The following EHD3 variants were observed in gnomAD, a reference collection of about 807,000 sequenced individuals.
EHD3 encodes the protein EH domain containing 3.
In EHD3, 17 loss-of-function variants were observed where a neutral mutation model predicts 43.0. That is an observed-to-expected ratio of 0.40 (90% confidence interval 0.27 to 0.59). EHD3 has a LOEUF of 0.59. Among genes scored for constraint, EHD3 ranks in the 20% least tolerant of loss-of-function variants. The pLI is 0.49. For synonymous variants in EHD3, 313 were observed against 289.5 expected (o/e 1.08, Z -0.82); for missense variants, 594 against 705.6 (o/e 0.84, Z 1.79).
At chr2:31,236,655 A>G (rs1440565253) in intron 1 of EHD3, among the ~76,000 whole-genome samples, 2 of 152,156 alleles carry the variant, frequency 1.3e-5, no homozygotes, top group Non-Finnish European at 2.9e-5. Flanking sequence ...CTCTACACAT[A>G]TGGTATTTAT....
rs1336773048 is a variant in EHD3 at position 31,266,272 on chromosome 2, G to A, written c.1176G>A (p.Gln392=). 3 of 1,614,216 alleles carry A rather than the reference G, an allele frequency of 1.9e-6. No homozygotes were observed. The highest frequency in any genetic ancestry group is 2.5e-6 in the Non-Finnish European group (3 of 1,180,044). ...ACATGCTGGCCCATGACATTGCCCA[G>A]CTCATGGTGCTAGTGCGCCAGGAGG... ...VDDMLAHDIA[Q]LMVLVRQEES... The change falls in exon 6 of 6, where the codon CAG becomes CAA. Residue 392 remains glutamine, a synonymous_variant. Transcript: ENST00000322054. The surrounding 1 kb of genome is among the most constrained non-coding windows in gnomAD (Gnocchi z 5.1).
rs1683963678 is a variant in EHD3 at position 31,266,838 on chromosome 2, G to T, written c.*134G>T. The T allele has an allele frequency of 2.5e-6, 3 of 1,191,266 alleles. No individual in the cohort carries two copies. Among genetic ancestry groups the T allele is most frequent in the Non-Finnish European group, 2.3e-6 (2 of 877,248 alleles). 73.8% of individuals were successfully genotyped at this position (1,191,266 alleles called of 1,614,324 possible). A position where few individuals can be genotyped will look rare whatever the true frequency, so the allele number is the denominator to read the frequency against. On this transcript the variant is annotated 3_prime_UTR_variant, in exon 6 of 6. Transcript: ENST00000322054. This position sits in a 1 kb window ranked among gnomAD's most constrained non-coding sequence, Gnocchi z 5.1. ...TGCATATCTTGACATTGCTCTGTAG[G>T]TGAGAGAGGACCATGACGCCCATGT...
rs367715358 is a variant in EHD3 at position 31,237,996 on chromosome 2, TTTTG to T, written c.227+3156_227+3159del. ...TTCCTATATTGTGTGTGTGTGTTTTTTTTGTTTGTTTTTGTTTTTGTTTTTTTGA... is the reference window on the plus strand; with the variant it reads ...TTCCTATATTGTGTGTGTGTGTTTTTTTTGTTTTTGTTTTTGTTTTTTTGA... On this transcript the variant is annotated intron_variant, in intron 1 of 5. Coordinates refer to ENST00000322054, the MANE Select transcript of EHD3 (RefSeq NM_014600.3). Among the ~76,000 whole-genome samples the T allele has an allele frequency of 6.1e-3, 923 of 152,298 alleles. 10 individuals are homozygous for T. The highest frequency in any genetic ancestry group is 0.021 in the African/African-American group (868 of 41,558).
rs897579559 is a variant in EHD3, at chr2:31,261,054, G to C, written c.915+132G>C. On this transcript the variant is annotated intron_variant, in intron 4 of 5. Transcript: ENST00000322054. ...GTGACACCAAGGGGCAGGACAGTGC[G>C]GGAGCCATGGTTACAAGCTCTCAGG... 4 of 1,023,022 alleles carry C rather than the reference G, an allele frequency of 3.9e-6. No homozygotes were observed. In the East Asian group the frequency reaches 7.8e-5, roughly 20 times the overall value. The allele number at this position is 1,023,022 out of a possible 1,614,324, so 63.4% of individuals were successfully genotyped here.
In EHD3 at chr2:31,260,684, C is replaced by T. The variant is rs201814896; in HGVS notation, c.677C>T (p.Thr226Met). 105 of 1,614,194 alleles carry T rather than the reference C, an allele frequency of 6.5e-5. 2 individuals carry two copies. The highest frequency in any genetic ancestry group is 6.7e-5 in the Admixed American group (4 of 60,020). Residue 226 changes from threonine (T) to methionine (M), a missense_variant, in exon 4 of 6, where the codon ACG becomes ATG. Coordinates refer to ENST00000322054, the MANE Select transcript of EHD3 (RefSeq NM_014600.3). This position sits in a 1 kb window ranked among gnomAD's most constrained non-coding sequence, Gnocchi z 4.6. ...CTGAACAAAGCTGACCAGATCGAGA[C>T]GCAGCAGCTGATGCGGGTGTACGGG... ...VVLNKADQIETQQLMRVYGAL... is the reference protein window; with the variant it reads ...VVLNKADQIEMQQLMRVYGAL...
In EHD3 at chr2:31,260,587, C is replaced by G. The variant is rs371507212; in HGVS notation, c.580C>G (p.Leu194Val). The change falls in exon 4 of 6, where the codon CTG becomes GTG. Residue 194 changes from leucine (L) to valine (V), a missense_variant. This residue lies in a region of EHD3 where 243 missense variants were observed against 296.7 expected (regional missense o/e 0.82). Coordinates refer to ENST00000322054, the MANE Select transcript of EHD3 (RefSeq NM_014600.3). This position sits in a 1 kb window ranked among gnomAD's most constrained non-coding sequence, Gnocchi z 4.6. The stretch of plus-strand genomic sequence containing the variant: ...CATTCTGCTCTTCGATGCCCACAAA[C>G]TGGACATCTCTGATGAGTTCTCAGA... ...RIILLFDAHK[L>V]DISDEFSEVI... The G allele has an allele frequency of 4.3e-6, 7 of 1,614,078 alleles. No homozygotes were observed. The highest frequency in any genetic ancestry group is 5.1e-6 in the Non-Finnish European group (6 of 1,180,030).
At chr2:31,261,794 C>A in intron 5 of EHD3, 81 bp downstream of exon 5, 2 of 1,530,628 alleles carry the variant, frequency 1.3e-6, no homozygotes, top group South Asian at 1.3e-5. Flanking sequence ...GGAGGCCACT[C>A]TTGGAGCCCC....
At chr2:31,254,650 T>C (rs1683710004) in intron 3 of EHD3, among the ~76,000 whole-genome samples, 1 of 152,190 alleles carries the variant, frequency 6.6e-6, no homozygotes, top group South Asian at 2.1e-4. Context: ...GATGGGGTTT[T>C]GTATGTACCC....
chr2:31,252,617 G>C (rs1683659180), intron 3 of EHD3, among the ~76,000 whole-genome samples: 1 of 152,206 alleles, frequency 6.6e-6, no homozygotes, highest in South Asian at 2.1e-4. Context: ...TGGGACGACA[G>C]GCATGCGCCA....
At chr2:31,242,253 G>C (rs1683437007) in intron 1 of EHD3, among the ~76,000 whole-genome samples, 1 of 152,234 alleles carries the variant, frequency 6.6e-6, no homozygotes, top group Non-Finnish European at 1.5e-5. Context: ...GACCAGGCCT[G>C]CTGCTGCAGT....
intron 1 of EHD3, among the ~76,000 whole-genome samples, chr2:31,236,583 A>G (rs1683328342): frequency 6.6e-6 from 1 of 152,168 alleles, no homozygotes. Context: ...TGGCCCATTC[A>G]TGCCTCAGGG....
intron 1 of EHD3, among the ~76,000 whole-genome samples, chr2:31,243,486 C>G (rs1215539156): frequency 1.2e-5 from 1 of 82,022 alleles, no homozygotes; most frequent in African/African-American, 5.3e-5. Context: ...GACAGAGTTT[C>G]GTTCTTGTTG....
Position 31,244,339 on chromosome 2 carries a change from T to C in EHD3, c.293T>C (p.Ile98Thr), listed in dbSNP as rs200163437. Residue 98 changes from isoleucine to threonine, a missense_variant, in exon 2 of 6, where the codon ATT becomes ACT. This residue lies in a region of EHD3 where 243 missense variants were observed against 296.7 expected (regional missense o/e 0.82). Transcript: ENST00000322054. ...CCTGAGCCCACCACAGACTCCTTCA[T>C]TGCGGTGATGCAGGGAGACATGGAG... ...IGPEPTTDSF[I>T]AVMQGDMEGI... 1.4e-5 allele frequency: 22 copies of C among 1,614,078 alleles called. No individual in the cohort carries two copies. The highest frequency in any genetic ancestry group is 4.5e-5 in the East Asian group (2 of 44,882).
intron 2 of EHD3, among the ~76,000 whole-genome samples, chr2:31,247,810 TG>T (rs2148718476): frequency 6.6e-6 from 1 of 152,180 alleles, no homozygotes; most frequent in South Asian, 2.1e-4. Context: ...CATTAAATGA[TG>T]AGTGAAGTGG....
At chr2:31,263,346 C>A (rs1410547278) in intron 5 of EHD3, among the ~76,000 whole-genome samples, 1 of 152,206 alleles carries the variant, frequency 6.6e-6, no homozygotes, top group African/African-American at 2.4e-5. Context: ...GTGAGGAATT[C>A]TTTCAAAACA....
At chr2:31,265,725 T>C (rs2148725186) in intron 5 of EHD3, among the ~76,000 whole-genome samples, 1 of 152,238 alleles carries the variant, frequency 6.6e-6, no homozygotes, top group Middle Eastern at 3.4e-3. Flanking sequence ...GTGAAGGCAC[T>C]TGCGGTGATT....
At chr2:31,254,797 G>A (rs982288421) in intron 3 of EHD3, among the ~76,000 whole-genome samples, 2 of 152,220 alleles carry the variant, frequency 1.3e-5, no homozygotes, top group Non-Finnish European at 2.9e-5. Context: ...CCACCTGGCT[G>A]TGTGAGCTTG....
At position 31,266,605 on chromosome 2, in the gene EHD3, G is replaced by T; in HGVS notation, c.1509G>T (p.Leu503=). The change falls in exon 6 of 6, where the codon CTG becomes CTT. Residue 503 remains leucine, a synonymous_variant. Transcript: ENST00000322054. This position sits in a 1 kb window ranked among gnomAD's most constrained non-coding sequence, Gnocchi z 5.1. ...TGCTGGACGACGACGAGTTTGCACT[G>T]GCCAACCACCTCATCAAAGTCAAGC... is the stretch of plus-strand genomic sequence containing the variant. ...DGMLDDDEFA[L]ANHLIKVKLE... 1 of 1,614,120 alleles carries T rather than the reference G, an allele frequency of 6.2e-7. No individual in the cohort carries two copies. Among genetic ancestry groups the T allele is most frequent in the South Asian group, 1.1e-5 (1 of 91,078 alleles).
intron 3 of EHD3, among the ~76,000 whole-genome samples, chr2:31,251,663 T>A (rs1031581579): frequency 9.9e-5 from 15 of 152,120 alleles, no homozygotes; most frequent in African/African-American, 3.1e-4. Context: ...CCTGGCTCCC[T>A]ATCTCTGGGC....
Sources: allele counts gnomAD v4.1 joint callset (sites outside exome capture counted in the v4.1 genomes callset), GRCh38; gene constraint gnomAD v4.1.1; regional missense constraint gnomAD v4.1.1; non-coding constraint Gnocchi (gnomAD v3.1); transcripts MANE v1.5; gene names NCBI Gene and HGNC (gene_info 2026-07-23, HGNC 2026-07-21).